The following ARHGAP44 variants were observed in gnomAD, a reference collection of about 807,000 sequenced individuals.
The protein encoded by ARHGAP44 is rho GTPase-activating protein 44.
In ARHGAP44, 43 loss-of-function variants were observed where a neutral mutation model predicts 106.8. The observed-to-expected ratio is 0.40, with a 90% CI of 0.32 to 0.52. The LOEUF is 0.52. ARHGAP44 is among the 20% of genes least tolerant of loss of function. The probability of loss-of-function intolerance (pLI) is 0.48; values close to 1 mark genes in which losing one functional copy is unlikely to be tolerated. For missense variants in ARHGAP44, 866 were observed against 1,050.5 expected, an observed-to-expected ratio of 0.82 and a Z score of 2.43; for synonymous variants, 439 against 410.3, an observed-to-expected ratio of 1.07 and a Z score of -0.85.
At chr17:12,862,411 A>G (rs544804863) in intron 1 of ARHGAP44, among the ~76,000 whole-genome samples, 2 of 152,304 alleles carry the variant, frequency 1.3e-5, no homozygotes, top group South Asian at 4.1e-4. Context: ...TGAGTTGGTA[A>G]CGCAGGCACA....
intron 1 of ARHGAP44, among the ~76,000 whole-genome samples, chr17:12,798,790 GAGA>G (rs1244766863): frequency 6.6e-6 from 1 of 152,126 alleles, no homozygotes. Flanking sequence ...TGGTAAGATG[GAGA>G]AGTACTCATT....
chr17:12,989,247 C>A lies in ARHGAP44; in HGVS notation c.2318-785C>A, dbSNP rs181647414. ...TCAGCAAGCACAGCCTCGTCAGTGT[C>A]CCCCAGGGCGGCGGCTGCAGCAGCA... On this transcript the variant is annotated intron_variant, in intron 20 of 20. Transcript: ENST00000379672. 4.5e-4 allele frequency among the ~76,000 whole-genome samples: 68 copies of A among 152,080 alleles called. 1 individual carries two copies. The highest frequency in any genetic ancestry group is 1.6e-3 in the African/African-American group (68 of 41,496).
At chr17:12,856,479 A>G (rs1426669509) in intron 1 of ARHGAP44, among the ~76,000 whole-genome samples, 1 of 152,246 alleles carries the variant, frequency 6.6e-6, no homozygotes, top group African/African-American at 2.4e-5. Flanking sequence ...GACTATATGT[A>G]GGAAAATATC....
chr17:12,837,050 C>A (rs56799400), intron 1 of ARHGAP44, among the ~76,000 whole-genome samples: 21,932 of 152,102 alleles, frequency 0.14, 3,577 homozygotes, highest in African/African-American at 0.4. Context: ...AACAGATTTA[C>A]AAATTTGAAA....
chr17:12,921,073 T>G, intron 6 of ARHGAP44, among the ~76,000 whole-genome samples: 1 of 152,252 alleles, frequency 6.6e-6, no homozygotes. Context: ...ATTATTTATT[T>G]ATTTATTTTT....
At chr17:12,951,339 C>T (rs1312250267) in intron 12 of ARHGAP44, among the ~76,000 whole-genome samples, 1 of 152,130 alleles carries the variant, frequency 6.6e-6, no homozygotes, top group Non-Finnish European at 1.5e-5. Context: ...TACCTGCTGG[C>T]TAATAAGTGG....
chr17:12,988,086 A>C (rs2040005396), intron 20 of ARHGAP44: 1 of 152,170 alleles, frequency 6.6e-6, no homozygotes, highest in Admixed American at 6.5e-5. Flanking sequence ...TCCTGGAGAC[A>C]AGCAGCCACT....
intron 7 of ARHGAP44, among the ~76,000 whole-genome samples, chr17:12,937,195 C>A (rs2038573297): frequency 6.6e-6 from 1 of 152,140 alleles, no homozygotes; most frequent in Non-Finnish European, 1.5e-5. Context: ...TTCCCTTCCT[C>A]TTGGTAGGTT....
intron 19 of ARHGAP44, among the ~76,000 whole-genome samples, chr17:12,981,860 A>T (rs1329993213): frequency 2.0e-5 from 3 of 152,014 alleles, no homozygotes; most frequent in Non-Finnish European, 4.4e-5. Context: ...AATATAAAAA[A>T]ATCAGCTGGG....
intron 10 of ARHGAP44, among the ~76,000 whole-genome samples, chr17:12,948,743 C>CACAT (rs2038919466): frequency 6.6e-6 from 1 of 151,556 alleles, no homozygotes; most frequent in South Asian, 2.1e-4. Context: ...CACACACACA[C>CACAT]ACACACACCC....
intron 20 of ARHGAP44, among the ~76,000 whole-genome samples, chr17:12,989,471 G>A (rs2040054785): frequency 6.6e-6 from 1 of 152,198 alleles, no homozygotes; most frequent in Non-Finnish European, 1.5e-5. Context: ...CAGAGGTGGG[G>A]GTTGTCCTGC....
chr17:12,897,741 G>A (rs1025492576), intron 3 of ARHGAP44, among the ~76,000 whole-genome samples: 1 of 124,948 alleles, frequency 8.0e-6, no homozygotes, highest in African/African-American at 2.9e-5. Flanking sequence ...GCTCTAAGAA[G>A]CACTATTTTT....
chr17:12,920,374 T>TGA (rs2038044487), intron 6 of ARHGAP44, among the ~76,000 whole-genome samples: 1 of 22,304 alleles, frequency 4.5e-5, no homozygotes, highest in South Asian at 2.0e-3. Context: ...AGACTCCATC[T>TGA]CAAAAAAAAA....
intron 1 of ARHGAP44, among the ~76,000 whole-genome samples, chr17:12,854,826 C>A (rs374965053): frequency 6.6e-6 from 1 of 151,916 alleles, no homozygotes; most frequent in Non-Finnish European, 1.5e-5. Context: ...GGCGTGGTGG[C>A]GCATGCCTGT....
At chr17:12,972,628 A>G (rs9910403) in intron 16 of ARHGAP44, among the ~76,000 whole-genome samples, 41,546 of 150,966 alleles carry the variant, frequency 0.28, 6,741 homozygotes, top group African/African-American at 0.46. Context: ...AGCCTGGGTG[A>G]CAAGAGCGAA....
At chr17:12,944,409 G>A (rs1391817255) in intron 10 of ARHGAP44, among the ~76,000 whole-genome samples, 2 of 152,084 alleles carry the variant, frequency 1.3e-5, no homozygotes, top group Non-Finnish European at 2.9e-5. Context: ...AATTGTGATG[G>A]CCATGAGGAA....
chr17:12,987,851 T>A (rs920309171), intron 20 of ARHGAP44: 3 of 152,210 alleles, frequency 2.0e-5, no homozygotes, highest in African/African-American at 7.2e-5. Context: ...TATCAGTATC[T>A]ATTTGGTCTC....
chr17:12,789,739 C>T lies in ARHGAP44; in HGVS notation c.-100C>T. ...GGAGGCTCCGCAGTGCCGCCGCCGT[C>T]GCCCGGGAGGCTCCGCGCGGGAGCC... On this transcript the variant is annotated 5_prime_UTR_variant, in exon 1 of 21. Transcript: ENST00000379672. 1 of 1,159,148 alleles carries T rather than the reference C, an allele frequency of 8.6e-7. No homozygotes were observed. The highest frequency in any genetic ancestry group is 1.1e-6 in the Non-Finnish European group (1 of 889,218). 71.8% of individuals were successfully genotyped at this position (1,159,148 alleles called of 1,614,324 possible). A position where few individuals can be genotyped will look rare whatever the true frequency, so the allele number is the denominator to read the frequency against.
chr17:12,803,824 C>T (rs1320091772), intron 1 of ARHGAP44, among the ~76,000 whole-genome samples: 3 of 152,080 alleles, frequency 2.0e-5, no homozygotes, highest in African/African-American at 7.2e-5. Context: ...GAAAAAAATC[C>T]TAGCACTGTT....
Sources: gnomAD v4.1 joint callset for allele counts (sites outside exome capture counted in the v4.1 genomes callset) on GRCh38, gnomAD v4.1.1 for gene constraint, MANE v1.5 for transcripts, NCBI Gene and HGNC (gene_info 2026-07-23, HGNC 2026-07-21) for gene names.